DNM3: variants seen among roughly 807,000 people sequenced by gnomAD.
DNM3 encodes the protein dynamin-3.
A neutral mutation model predicts 101.6 loss-of-function variants in DNM3; 47 were observed. That is an observed-to-expected ratio of 0.46 (90% CI 0.37 to 0.59). DNM3 has a LOEUF of 0.59. Among genes scored for constraint, DNM3 ranks in the 20% least tolerant of loss-of-function variants. The pLI is 0.00. For synonymous variants in DNM3, 385 were observed against 387.9 expected, an observed-to-expected ratio of 0.99 and a Z score of 0.09; for missense variants, 849 against 1,085.7, an observed-to-expected ratio of 0.78 and a Z score of 3.06.
At chr1:171,953,873 C>A (rs1028402990) in intron 2 of DNM3, among the ~76,000 whole-genome samples, 3 of 152,100 alleles carry the variant, frequency 2.0e-5, no homozygotes, top group African/African-American at 7.2e-5. Flanking sequence ...TCCCATTATG[C>A]TTTTGTTTTA....
chr1:172,164,837 C>G (rs150644000), intron 14 of DNM3, among the ~76,000 whole-genome samples: 5 of 151,970 alleles, frequency 3.3e-5, no homozygotes, highest in Admixed American at 6.6e-5. Context: ...TTTAAAGGAC[C>G]CTTTTTCCTA....
chr1:172,050,602 G>C (rs1471032536), intron 10 of DNM3, among the ~76,000 whole-genome samples: 1 of 152,182 alleles, frequency 6.6e-6, no homozygotes, highest in Non-Finnish European at 1.5e-5. Context: ...GTGTAGGCAA[G>C]GTAATGAAAA....
intron 13 of DNM3, among the ~76,000 whole-genome samples, chr1:172,109,224 G>A (rs1572546500): frequency 6.6e-6 from 1 of 152,076 alleles, no homozygotes; most frequent in African/African-American, 2.4e-5. Context: ...GGAATTTTTA[G>A]CATATATATT....
chr1:172,379,268 T>C (rs1244598778), intron 18 of DNM3, 86 bp downstream of exon 18: 4 of 1,162,074 alleles, frequency 3.4e-6, no homozygotes, highest in Non-Finnish European at 4.8e-6. Flanking sequence ...TCTTTGTGTA[T>C]TTTCTGGATA....
At chr1:172,192,643 C>T (rs566531332) in intron 14 of DNM3, among the ~76,000 whole-genome samples, 5 of 150,594 alleles carry the variant, frequency 3.3e-5, no homozygotes, top group Admixed American at 1.3e-4. Flanking sequence ...TTTTTGTTCT[C>T]GCGATAGTTT....
intron 10 of DNM3, among the ~76,000 whole-genome samples, chr1:172,057,392 T>C (rs2050734065): frequency 6.6e-6 from 1 of 151,954 alleles, no homozygotes; most frequent in Non-Finnish European, 1.5e-5. Context: ...CACATAATTG[T>C]CAGATTCACC....
At chr1:171,988,167 T>C (rs942264445) in intron 3 of DNM3, among the ~76,000 whole-genome samples, 1 of 152,200 alleles carries the variant, frequency 6.6e-6, no homozygotes, top group Non-Finnish European at 1.5e-5. Context: ...CAGCCATATA[T>C]AGTCCTATTT....
chr1:172,113,617 T>C (rs2055657663), intron 13 of DNM3, among the ~76,000 whole-genome samples: 1 of 93,766 alleles, frequency 1.1e-5, no homozygotes, highest in African/African-American at 4.5e-5. Context: ...CAAAACTCTG[T>C]CTCAAAAAAA....
chr1:172,323,312 T>C lies in DNM3; in HGVS notation c.1882-17T>C. On this transcript the variant is annotated splice_polypyrimidine_tract_variant and intron_variant, in intron 16 of 20. Coordinates refer to ENST00000627582, the MANE Select transcript of DNM3 (RefSeq NM_015569.5). ...TTAACATATTTCTCTTTCTTTTCCT[T>C]GCGGCTACATGCATAGGGGAACAAC... 1.3e-6 allele frequency: 2 copies of C among 1,596,506 alleles called. No individual in the cohort carries two copies. Among genetic ancestry groups the C allele is most frequent in the Non-Finnish European group, 1.7e-6 (2 of 1,170,778 alleles).
intron 17 of DNM3, among the ~76,000 whole-genome samples, chr1:172,343,667 AT>A (rs1278341241): frequency 1.3e-5 from 2 of 152,130 alleles, no homozygotes; most frequent in Non-Finnish European, 1.5e-5. Context: ...CAAAAAGCAG[AT>A]TTTTTCCCAT....
chr1:172,231,309 C>G (rs749323347), intron 14 of DNM3, among the ~76,000 whole-genome samples: 11 of 152,134 alleles, frequency 7.2e-5, no homozygotes, highest in Non-Finnish European at 1.3e-4. Context: ...TCTGCAGCCT[C>G]TGCTGCTGAT....
intron 14 of DNM3, among the ~76,000 whole-genome samples, chr1:172,212,873 C>T (rs977527042): frequency 2.6e-5 from 4 of 152,094 alleles, no homozygotes; most frequent in African/African-American, 7.2e-5. Context: ...GATGTACTCT[C>T]GCCTTACCTG....
Position 172,308,835 on chromosome 1 carries a change from C to T in DNM3, c.1877C>T (p.Ser626Phe). 1 of 1,587,430 alleles carries T rather than the reference C, an allele frequency of 6.3e-7. No homozygotes were observed. The highest frequency in any genetic ancestry group is 8.6e-7 in the Non-Finnish European group (1 of 1,159,840). Reference protein sequence around the residue: ...LLRAGVYPDKSVGNNKAENDE... With the variant: ...LLRAGVYPDKFVGNNKAENDE... Reference sequence around the variant, plus strand: ...AGAGCTGGGGTCTATCCTGACAAATCTGTAGTAAGTTGGATATATCTCTTA... The same window carrying T: ...AGAGCTGGGGTCTATCCTGACAAATTTGTAGTAAGTTGGATATATCTCTTA... The change falls in exon 16 of 21, where the codon TCT becomes TTT. Residue 626 changes from serine to phenylalanine, a missense_variant. Ser to Phe is a radical substitution (Grantham distance 155). Coordinates refer to ENST00000627582, the MANE Select transcript of DNM3 (RefSeq NM_015569.5).
In DNM3 at chr1:172,418,299, TC is replaced by T; in HGVS notation, c.2561del (p.Pro854GlnfsTer24). The T allele has an allele frequency of 7.8e-7, 1 of 1,289,644 alleles. No homozygotes were observed. The highest frequency in any genetic ancestry group is 1.0e-6 in the Non-Finnish European group (1 of 988,772). 79.9% of individuals were successfully genotyped at this position (1,289,644 alleles called of 1,614,324 possible). ...TTACTAGGCGACCCCCTCCTGCAGT[TC>T]CAGGACGACCATCCTAACCCCCATC... is the stretch of plus-strand genomic sequence containing the variant. On this transcript the variant is annotated frameshift_variant, in exon 21 of 21. Coordinates refer to the DNM3 transcript ENST00000485254. LOFTEE classifies it high-confidence loss of function.
At chr1:171,945,031 T>C (rs1261459721) in intron 2 of DNM3, among the ~76,000 whole-genome samples, 3 of 150,036 alleles carry the variant, frequency 2.0e-5, no homozygotes, top group Non-Finnish European at 4.4e-5. Context: ...GCCTGACTGA[T>C]TTTTTTTTAA....
intron 14 of DNM3, chr1:172,139,683 C>G (rs1200199306): frequency 6.6e-6 from 1 of 152,010 alleles, no homozygotes; most frequent in Non-Finnish European, 1.5e-5. Flanking sequence ...CACAGTGATG[C>G]TCAGAATGTG....
chr1:172,348,061 A>G (rs1250021501), intron 17 of DNM3, among the ~76,000 whole-genome samples: 1 of 152,092 alleles, frequency 6.6e-6, no homozygotes, highest in Admixed American at 6.5e-5. Context: ...AAGTAAGGGA[A>G]TGATAATTAT....
chr1:172,217,857 T>C (rs1199145983), intron 14 of DNM3, among the ~76,000 whole-genome samples: 1 of 152,130 alleles, frequency 6.6e-6, no homozygotes, highest in East Asian at 1.9e-4. Context: ...AAACTACCTG[T>C]CTTCTTATGT....
At chr1:172,181,415 T>C (rs866582924) in intron 14 of DNM3, among the ~76,000 whole-genome samples, 277 of 140,704 alleles carry the variant, frequency 2.0e-3, no homozygotes, top group African/African-American at 7.2e-3. Context: ...CACACACACA[T>C]ATTTCTGGTA....
Sources: allele counts gnomAD v4.1 joint callset (sites outside exome capture counted in the v4.1 genomes callset), GRCh38; gene constraint gnomAD v4.1.1; transcripts MANE v1.5; gene names NCBI Gene and HGNC (gene_info 2026-07-23, HGNC 2026-07-21).